The following COG5 variants were observed in gnomAD, a reference collection of about 807,000 sequenced individuals.
COG5 encodes the protein component of oligomeric golgi complex 5, also known as conserved oligomeric Golgi complex subunit 5.
COG5 carries 86 observed loss-of-function variants against 110.4 expected under a neutral mutation model. The ratio of observed to expected loss-of-function variants is 0.78; its 90% CI spans 0.65 to 0.93. The LOEUF is 0.93. Among genes scored for constraint, COG5 ranks in the 40% least tolerant of loss-of-function variants. The pLI is 0.00. For missense variants in COG5, 1,077 were observed against 987.0 expected (o/e 1.09, Z -1.22); for synonymous variants, 360 against 334.6 (o/e 1.08, Z -0.83).
intron 14 of COG5, among the ~76,000 whole-genome samples, chr7:107,268,582 T>C (rs1803989388): frequency 6.6e-6 from 1 of 152,200 alleles, no homozygotes. Context: ...ACTGACCCTC[T>C]TCCCCACCAC....
At chr7:107,464,587 T>C (rs1409515825) in intron 6 of COG5, among the ~76,000 whole-genome samples, 1 of 152,158 alleles carries the variant, frequency 6.6e-6, no homozygotes, top group Non-Finnish European at 1.5e-5. Flanking sequence ...CAGGAAACCT[T>C]ATCTCTGTCA....
At chr7:107,225,858 C>G (rs968927621) in intron 19 of COG5, among the ~76,000 whole-genome samples, 2 of 152,062 alleles carry the variant, frequency 1.3e-5, no homozygotes, top group Non-Finnish European at 2.9e-5. Flanking sequence ...GCCTGGCCAA[C>G]GTGGTGAAAC....
intron 14 of COG5, among the ~76,000 whole-genome samples, chr7:107,280,522 A>C (rs1048791146): frequency 6.6e-6 from 1 of 152,036 alleles, no homozygotes; most frequent in African/African-American, 2.4e-5. Context: ...AGAGAGGATA[A>C]ACTGAAAACG....
At chr7:107,322,425 T>C (rs1809387003) in intron 11 of COG5, among the ~76,000 whole-genome samples, 1 of 152,214 alleles carries the variant, frequency 6.6e-6, no homozygotes. Context: ...AATAAATTTC[T>C]GTTGTGCATA....
At chr7:107,294,174 A>C (rs1440820797) in intron 12 of COG5, among the ~76,000 whole-genome samples, 5 of 152,204 alleles carry the variant, frequency 3.3e-5, no homozygotes, top group African/African-American at 1.2e-4. Flanking sequence ...TTGCATTTTC[A>C]ATTCACCAGT....
intron 3 of COG5, among the ~76,000 whole-genome samples, chr7:107,553,229 C>A (rs1004789549): frequency 1.3e-5 from 2 of 152,032 alleles, no homozygotes; most frequent in African/African-American, 2.4e-5. Flanking sequence ...TATACCCCCC[C>A]GGATCTAAAA....
intron 11 of COG5, among the ~76,000 whole-genome samples, chr7:107,299,157 C>A (rs1300340636): frequency 6.6e-6 from 1 of 151,836 alleles, no homozygotes; most frequent in Non-Finnish European, 1.5e-5. Flanking sequence ...CCAAAGTAAA[C>A]AGAAGAAATA....
At chr7:107,222,199 C>A (rs1280412313) in intron 19 of COG5, among the ~76,000 whole-genome samples, 1 of 151,666 alleles carries the variant, frequency 6.6e-6, no homozygotes, top group African/African-American at 2.4e-5. Flanking sequence ...AATCACCTGT[C>A]CCCCCCTTTT....
At chr7:107,449,487 C>T (rs914875818) in intron 6 of COG5, among the ~76,000 whole-genome samples, 3 of 152,186 alleles carry the variant, frequency 2.0e-5, no homozygotes. Context: ...ATCATCTTCA[C>T]TTGAGCAGTT....
At position 107,281,306 on chromosome 7, in the gene COG5, C is replaced by T. The variant is rs1375308939; in HGVS notation, c.1569G>A (p.Glu523=). The T allele has an allele frequency of 6.2e-7, 1 of 1,608,434 alleles. No homozygotes were observed. Among genetic ancestry groups the T allele is most frequent in the African/African-American group, 1.3e-5 (1 of 74,748 alleles). Reference sequence around the variant, plus strand: ...GATAAAGGAAACCACTTACAAGCTGCTCTGATTTTACACTGTATAACTGGA... The same window carrying T: ...GATAAAGGAAACCACTTACAAGCTGTTCTGATTTTACACTGTATAACTGGA... ...KTIQLYSVKS[E]QLLSTQGDAS... Residue 523 remains glutamate (E), a synonymous_variant, in exon 14 of 22, where the codon GAG becomes GAA. Transcript: ENST00000297135.
intron 6 of COG5, among the ~76,000 whole-genome samples, chr7:107,417,413 T>C (rs992578876): frequency 1.6e-4 from 24 of 152,130 alleles, no homozygotes; most frequent in Non-Finnish European, 2.5e-4. Flanking sequence ...TATAAAAATA[T>C]CAATTTTTGA....
At chr7:107,475,286 A>G (rs1227639554) in intron 6 of COG5, 4 of 1,595,518 alleles carry the variant, frequency 2.5e-6, no homozygotes, top group Non-Finnish European at 3.4e-6. Flanking sequence ...ATAGATCCTA[A>G]AAGAAACAAA....
intron 14 of COG5, among the ~76,000 whole-genome samples, chr7:107,278,236 T>A (rs1804861900): frequency 6.6e-6 from 1 of 152,106 alleles, no homozygotes; most frequent in Non-Finnish European, 1.5e-5. Context: ...TTTCCCTTCC[T>A]TCCTTCCCTT....
intron 6 of COG5, among the ~76,000 whole-genome samples, chr7:107,490,651 C>G (rs990120837): frequency 6.6e-6 from 1 of 152,048 alleles, no homozygotes; most frequent in South Asian, 2.1e-4. Context: ...TGGGCAGGGT[C>G]AAAGGAAATC....
At position 107,432,502 on chromosome 7, in the gene COG5, A is replaced by G. The variant is rs1490893184; in HGVS notation, c.539-19870T>C. ...TAGGATACTGAAATAAGAACATGACATAAGTACAGACCACAGGAAAATACC... is the reference window on the plus strand; with the variant it reads ...TAGGATACTGAAATAAGAACATGACGTAAGTACAGACCACAGGAAAATACC... On this transcript the variant is annotated intron_variant, in intron 6 of 21. Coordinates refer to ENST00000297135, the MANE Select transcript of COG5 (RefSeq NM_006348.5). 3.3e-5 allele frequency among the ~76,000 whole-genome samples: 5 copies of G among 152,208 alleles called. No individual in the cohort carries two copies. In the East Asian group the frequency reaches 5.8e-4, roughly 18 times the overall value.
At chr7:107,458,479 G>A (rs908220989) in intron 6 of COG5, among the ~76,000 whole-genome samples, 1 of 152,194 alleles carries the variant, frequency 6.6e-6, no homozygotes, top group Non-Finnish European at 1.5e-5. Context: ...TATACATGAT[G>A]TGCTATTACT....
intron 6 of COG5, among the ~76,000 whole-genome samples, chr7:107,437,178 C>T (rs1794419038): frequency 6.6e-6 from 1 of 152,152 alleles, no homozygotes; most frequent in Non-Finnish European, 1.5e-5. Context: ...CATTTAAAAA[C>T]CATGAATTTT....
chr7:107,486,331 T>A (rs1393330886), intron 6 of COG5, among the ~76,000 whole-genome samples: 1 of 152,090 alleles, frequency 6.6e-6, no homozygotes, highest in Non-Finnish European at 1.5e-5. Flanking sequence ...TCCATTTACC[T>A]AAAATACAAT....
chr7:107,209,914 A>C, intron 21 of COG5: 1 of 986,346 alleles, frequency 1.0e-6, no homozygotes, highest in Non-Finnish European at 1.2e-6. Context: ...GGTGATGGTG[A>C]GAGCAGTTGC....
Sources: gnomAD v4.1 joint callset for allele counts (sites outside exome capture counted in the v4.1 genomes callset) on GRCh38, gnomAD v4.1.1 for gene constraint, MANE v1.5 for transcripts, NCBI Gene and HGNC (gene_info 2026-07-23, HGNC 2026-07-21) for gene names.